RBMS2: variants seen among roughly 807,000 people sequenced by gnomAD.
The protein encoded by RBMS2 is RNA-binding motif, single-stranded-interacting protein 2.
In RBMS2, 38 loss-of-function variants were observed where a neutral mutation model predicts 58.4. The observed-to-expected ratio is 0.65, with a 90% CI of 0.50 to 0.85. The LOEUF is 0.85. Ranked by LOEUF, RBMS2 falls within the 40% of genes least tolerant of loss-of-function variation. The pLI is 0.00. For missense variants in RBMS2, 367 were observed against 503.7 expected (o/e 0.73, Z 2.60); for synonymous variants, 151 against 180.7 (o/e 0.84, Z 1.32).
At chr12:56,530,601 T>C in intron 1 of RBMS2, among the ~76,000 whole-genome samples, 1 of 151,928 alleles carries the variant, frequency 6.6e-6, no homozygotes, top group African/African-American at 2.4e-5. Flanking sequence ...CTCAAGTGAT[T>C]CTCCCACCTC....
chr12:56,584,787 AAAAT>A (rs1274806327), intron 9 of RBMS2, among the ~76,000 whole-genome samples: 8 of 152,048 alleles, frequency 5.3e-5, no homozygotes, highest in Non-Finnish European at 7.4e-5. Flanking sequence ...TCTGTCTCAA[AAAAT>A]AAATAAATAA....
In RBMS2 at chr12:56,594,520, ACTC is replaced by A. The variant is rs1885560698; in HGVS notation, c.*5388_*5390del. 1 of 151,572 alleles carries A rather than the reference ACTC, an allele frequency of 6.6e-6. No individual in the cohort carries two copies. The highest frequency in any genetic ancestry group is 2.4e-5 in the African/African-American group (1 of 41,176). The allele number at this position is 151,572 out of a possible 1,614,324, so 9.4% of individuals were successfully genotyped here. A position where few individuals can be genotyped will look rare whatever the true frequency, so the allele number is the denominator to read the frequency against. The stretch of plus-strand genomic sequence containing the variant: ...TTCCTGATTCCCGTTTAAACCAACT[ACTC>A]TATTTCTGTGCTGCCTACATTTTCA... On this transcript the variant is annotated 3_prime_UTR_variant, in exon 14 of 14. Coordinates refer to ENST00000262031, the MANE Select transcript of RBMS2 (RefSeq NM_002898.4).
chr12:56,569,047 T>G lies in RBMS2; in HGVS notation c.292+14T>G. The G allele has an allele frequency of 6.2e-7, 1 of 1,606,084 alleles. No individual in the cohort carries two copies. Among genetic ancestry groups the G allele is most frequent in the Non-Finnish European group, 8.5e-7 (1 of 1,172,686 alleles). On this transcript the variant is annotated intron_variant, in intron 3 of 13. Coordinates refer to ENST00000262031, the MANE Select transcript of RBMS2 (RefSeq NM_002898.4). ...ACAAATGTAAAGGTGAGAGAACAAC[T>G]GTCCTTGGTGTTGGAGAGCACCAGT...
chr12:56,582,247 T>C (rs1884065521), intron 9 of RBMS2, 95 bp downstream of exon 9: 1 of 1,115,966 alleles, frequency 9.0e-7, no homozygotes, highest in Non-Finnish European at 1.3e-6. Context: ...TTTTTTGTTT[T>C]TCCTTTTAAT....
chr12:56,566,144 G>T (rs1881302165), intron 2 of RBMS2, among the ~76,000 whole-genome samples: 1 of 152,148 alleles, frequency 6.6e-6, no homozygotes, highest in South Asian at 2.1e-4. Context: ...TCAGGGCATT[G>T]CTTGGCTTAT....
chr12:56,575,835 G>C (rs1242095440), intron 5 of RBMS2, among the ~76,000 whole-genome samples: 1 of 151,292 alleles, frequency 6.6e-6, no homozygotes, highest in East Asian at 2.0e-4. Flanking sequence ...CGGAGGTTAC[G>C]GTGAGCTGAG....
rs1885694775 is a variant in RBMS2, at chr12:56,595,556, T to C, written c.*6423T>C. 1 of 151,124 alleles carries C rather than the reference T, an allele frequency of 6.6e-6. No individual in the cohort carries two copies. Among genetic ancestry groups the C allele is most frequent in the Admixed American group, 6.6e-5 (1 of 15,092 alleles). The allele number at this position is 151,124 out of a possible 1,614,324, so 9.4% of individuals were successfully genotyped here. A position where few individuals can be genotyped will look rare whatever the true frequency, so the allele number is the denominator to read the frequency against. ...TACAACTTGGTAGAGGTCCATTTTG[T>C]CTTACTTCACACTTTTTTTTTTTTA... On this transcript the variant is annotated 3_prime_UTR_variant, in exon 14 of 14. Transcript: ENST00000262031.
intron 12 of RBMS2, chr12:56,588,697 C>A (rs1885019412): frequency 3.4e-6 from 2 of 593,392 alleles, no homozygotes; most frequent in Non-Finnish European, 6.0e-6. Flanking sequence ...TACATTTGGC[C>A]AGCCAGTAGT....
At position 56,561,654 on chromosome 12, in the gene RBMS2, GTGCCAC is replaced by G. The variant is rs1200960480; in HGVS notation, c.67-759_67-754del. ...CCTGAGTAGCTGGGATTATAGGCGA[GTGCCAC>G]TGCACCTGGCTAATTTTTTTTTTTT... On this transcript the variant is annotated intron_variant, in intron 1 of 13. Transcript: ENST00000262031. Among the ~76,000 whole-genome samples, 3 of 148,238 alleles carry G rather than the reference GTGCCAC, an allele frequency of 2.0e-5. No individual in the cohort carries two copies. In the East Asian group the frequency reaches 6.1e-4, roughly 30 times the overall value.
chr12:56,524,476 G>A lies in RBMS2; in HGVS notation c.66+2387G>A, dbSNP rs147199542. On this transcript the variant is annotated intron_variant, in intron 1 of 13. Transcript: ENST00000262031. ...TCTGTCACCCAGGCTGGAGTGCAGTGGTGTGATCTCAGCTCACTGCAGCCT... is the reference window on the plus strand; with the variant it reads ...TCTGTCACCCAGGCTGGAGTGCAGTAGTGTGATCTCAGCTCACTGCAGCCT... Among the ~76,000 whole-genome samples the A allele has an allele frequency of 4.4e-3, 661 of 151,272 alleles. 5 individuals carry two copies. The highest frequency in any genetic ancestry group is 0.015 in the African/African-American group (637 of 41,122).
rs1393423426 is a variant in RBMS2 at position 56,595,989 on chromosome 12, C to T, written c.*6856C>T. On this transcript the variant is annotated 3_prime_UTR_variant, in exon 14 of 14. Transcript: ENST00000262031. Reference sequence around the variant, plus strand: ...TGACAAGCACTTTTCTACAGCTGCACTTGTGGAACATCACATGGCAAAAAC... The same window carrying T: ...TGACAAGCACTTTTCTACAGCTGCATTTGTGGAACATCACATGGCAAAAAC... 9 of 152,690 alleles carry T rather than the reference C, an allele frequency of 5.9e-5. No homozygotes were observed. Among genetic ancestry groups the T allele is most frequent in the Non-Finnish European group, 1.3e-4 (9 of 68,054 alleles). The allele number at this position is 152,690 out of a possible 1,614,324, so 9.5% of individuals were successfully genotyped here.
chr12:56,547,765 C>T (rs150490183), intron 1 of RBMS2, among the ~76,000 whole-genome samples: 50,320 of 151,090 alleles, frequency 0.33, 8,550 homozygotes, highest in South Asian at 0.52. Context: ...TCTCCTGCCT[C>T]AGCCTCCCAA....
At chr12:56,564,108 G>C (rs11833906) in intron 2 of RBMS2, among the ~76,000 whole-genome samples, 143,668 of 151,798 alleles carry the variant, frequency 0.95, 68,343 homozygotes, top group East Asian at 1. Flanking sequence ...CCACCACATC[G>C]GGCTAATTTT....
chr12:56,588,153 T>C, intron 11 of RBMS2, 141 bp from the exon 12 acceptor site: 1 of 679,988 alleles, frequency 1.5e-6, no homozygotes, highest in South Asian at 1.8e-5. Context: ...TGAAGTGCTT[T>C]TAAGATGCAA....
Position 56,582,098 on chromosome 12 carries a change from G to A in RBMS2, c.819G>A (p.Met273Ile). Reference sequence around the variant, plus strand: ...CCTATAACATCACCCCCAACAGGATGCTTGCTCAGTCTGCACTCTCCCCAT... The same window carrying A: ...CCTATAACATCACCCCCAACAGGATACTTGCTCAGTCTGCACTCTCCCCAT... ...PAPYNITPNR[M>I]LAQSALSPYL... The change falls in exon 9 of 14, where the codon ATG becomes ATA. Residue 273 changes from methionine to isoleucine, a missense_variant. Physicochemically the swap from Met to Ile is conservative, Grantham distance 10. Around this residue, in one of 3 missense-constraint regions of RBMS2, gnomAD observed 220 missense variants for 261.1 expected, o/e 0.84. Transcript: ENST00000262031. 6.2e-7 allele frequency: 1 copy of A among 1,613,512 alleles called. No homozygotes were observed. Among genetic ancestry groups the A allele is most frequent in the Non-Finnish European group, 8.5e-7 (1 of 1,179,590 alleles).
chr12:56,525,131 G>A (rs775189937), intron 1 of RBMS2, among the ~76,000 whole-genome samples: 5 of 151,982 alleles, frequency 3.3e-5, no homozygotes, highest in Non-Finnish European at 7.4e-5. Flanking sequence ...TGTCAAGTAG[G>A]GCTTACTGTG....
At chr12:56,539,015 CTTTTTTT>C (rs10605730) in intron 1 of RBMS2, among the ~76,000 whole-genome samples, 71,610 of 144,160 alleles carry the variant, frequency 0.5, 17,614 homozygotes, top group East Asian at 0.72. Flanking sequence ...TTCAGAAATT[CTTTTTTT>C]TTTTTTTTTT....
intron 1 of RBMS2, among the ~76,000 whole-genome samples, chr12:56,557,938 A>G (rs558911667): frequency 1.2e-4 from 18 of 144,574 alleles, no homozygotes; most frequent in South Asian, 6.6e-4. Flanking sequence ...GGGTTTCTCC[A>G]TGTTGGTCAG....
intron 9 of RBMS2, among the ~76,000 whole-genome samples, chr12:56,582,940 G>A (rs545485806): frequency 2.5e-4 from 38 of 152,118 alleles, no homozygotes; most frequent in Admixed American, 1.0e-3. Context: ...AAAGTGCTGC[G>A]CCACGCCCAG....
Sources: gnomAD v4.1 joint callset for allele counts (sites outside exome capture counted in the v4.1 genomes callset) on GRCh38, gnomAD v4.1.1 for gene constraint, gnomAD v4.1.1 regional missense constraint, MANE v1.5 for transcripts, NCBI Gene and HGNC (gene_info 2026-07-23, HGNC 2026-07-21) for gene names.